The following CNDP1 variants were observed in gnomAD, a reference collection of about 807,000 sequenced individuals.
CNDP1 encodes beta-Ala-His dipeptidase.
CNDP1 carries 44 observed loss-of-function variants against 58.1 expected under a neutral mutation model. The observed-to-expected ratio is 0.76, with a 90% CI of 0.60 to 0.97. The LOEUF (loss-of-function observed/expected upper bound fraction) is 0.97, where lower values mean the gene tolerates loss of function less well. Ranked by LOEUF, CNDP1 falls within the 50% of genes least tolerant of loss-of-function variation. CNDP1 has a pLI of 0.00. For missense variants in CNDP1, 616 were observed against 655.1 expected (o/e 0.94, Z 0.65); for synonymous variants, 254 against 252.6 (o/e 1.01, Z -0.05).
At position 74,567,348 on chromosome 18, in the gene CNDP1, T is replaced by A; in HGVS notation, c.671T>A (p.Ile224Asn). 3 of 1,614,156 alleles carry A rather than the reference T, an allele frequency of 1.9e-6. No homozygotes were observed. Among genetic ancestry groups the A allele is most frequent in the Non-Finnish European group, 2.5e-6 (3 of 1,180,034 alleles). ...KDRFFSGVDY[I>N]VISDNLWISQ... ...CGATTCTTCTCTGGTGTGGACTACA[T>A]TGTAATTTCAGATAACCTGTGGATC... Residue 224 changes from isoleucine to asparagine, a missense_variant, in exon 6 of 12, where the codon ATT (isoleucine) becomes AAT (asparagine). Coordinates refer to ENST00000358821, the MANE Select transcript of CNDP1 (RefSeq NM_032649.6).
chr18:74,556,464 C>A lies in CNDP1; in HGVS notation c.151C>A (p.Gln51Lys), dbSNP rs144205585. ...TGACCTCCATCAGGATGAATTTGTG[C>A]AGGTAGGAGAAAGAAACTACACAAC... Reference protein sequence around the residue: ...YIDLHQDEFVQTLKEWVAIES... With the variant: ...YIDLHQDEFVKTLKEWVAIES... Residue 51 changes from glutamine (Q) to lysine (K), a missense_variant and splice_region_variant, in exon 2 of 12, where the codon CAG (glutamine) becomes AAG (lysine). Coordinates refer to ENST00000358821, the MANE Select transcript of CNDP1 (RefSeq NM_032649.6). 1.2e-6 allele frequency: 2 copies of A among 1,614,100 alleles called. No individual in the cohort carries two copies. The highest frequency in any genetic ancestry group is 1.7e-6 in the Non-Finnish European group (2 of 1,179,962).
intron 1 of CNDP1, among the ~76,000 whole-genome samples, chr18:74,540,609 G>A (rs1980596752): frequency 6.6e-6 from 1 of 152,214 alleles, no homozygotes; most frequent in Non-Finnish European, 1.5e-5. Flanking sequence ...AAGGAGAGCC[G>A]TGTTTAGATG....
Position 74,558,392 on chromosome 18 carries a change from C to CTTTTTTTTT in CNDP1, c.154-919_154-911dup, listed in dbSNP as rs71168498. ...AGTTAGGGAGCATTACTTTCTTTTT[C>CTTTTTTTTT]TTTTTTTTTTTTTTTTTTTTGAGAT... On this transcript the variant is annotated intron_variant, in intron 2 of 11. Transcript: ENST00000358821. Among the ~76,000 whole-genome samples, 34 of 114,310 alleles carry CTTTTTTTTT rather than the reference C, an allele frequency of 3.0e-4. 1 individual carries two copies. The highest frequency in any genetic ancestry group is 5.1e-4 in the East Asian group (2 of 3,948). The allele number at this position is 114,310 out of a possible 152,430, so 75.0% of individuals were successfully genotyped here.
At chr18:74,536,192 A>G (rs1980482772) in intron 1 of CNDP1, among the ~76,000 whole-genome samples, 1 of 152,024 alleles carries the variant, frequency 6.6e-6, no homozygotes, top group Non-Finnish European at 1.5e-5. Flanking sequence ...TTTCTTACAT[A>G]GGTAAATTTG....
chr18:74,567,237 T>C lies in CNDP1; in HGVS notation c.560T>C (p.Leu187Pro), dbSNP rs1173869707. ...VSAFRALEQD[L>P]PVNIKFIIEG... Reference sequence around the variant, plus strand: ...TTTTCTTCTGTTGTTACTTAGGATCTTCCTGTGAATATCAAATTCATCATT... The same window carrying C: ...TTTTCTTCTGTTGTTACTTAGGATCCTCCTGTGAATATCAAATTCATCATT... The change falls in exon 6 of 12, where the codon CTT becomes CCT. Residue 187 changes from leucine to proline, a missense_variant. By Grantham distance (98) the Leu-to-Pro change is moderately conservative. Transcript: ENST00000358821. 6.2e-7 allele frequency: 1 copy of C among 1,613,960 alleles called. No homozygotes were observed. The highest frequency in any genetic ancestry group is 2.2e-5 in the East Asian group (1 of 44,890).
At chr18:74,549,742 A>G (rs1980852185) in intron 1 of CNDP1, among the ~76,000 whole-genome samples, 1 of 152,222 alleles carries the variant, frequency 6.6e-6, no homozygotes, top group East Asian at 1.9e-4. Flanking sequence ...CCTTTGAGGA[A>G]GCCCCTCTCA....
At chr18:74,557,769 A>G (rs1981080869) in intron 2 of CNDP1, among the ~76,000 whole-genome samples, 1 of 152,226 alleles carries the variant, frequency 6.6e-6, no homozygotes, top group Non-Finnish European at 1.5e-5. Flanking sequence ...TATTGGATCA[A>G]TCAACCAATT....
chr18:74,556,200 A>C, intron 1 of CNDP1, 138 bp from the exon 2 acceptor site: 4 of 879,150 alleles, frequency 4.5e-6, no homozygotes, highest in Non-Finnish European at 7.0e-6. Flanking sequence ...GTTTGGTTCT[A>C]CCGCCTTGTG....
rs1310286286 is a variant in CNDP1, at chr18:74,571,226, G to A, written c.797G>A (p.Gly266Asp). 2 of 1,613,594 alleles carry A rather than the reference G, an allele frequency of 1.2e-6. No individual in the cohort carries two copies. Among genetic ancestry groups the A allele is most frequent in the Non-Finnish European group, 1.7e-6 (2 of 1,179,658 alleles). The change falls in exon 7 of 12, where the codon GGT (glycine) becomes GAT (aspartate). Residue 266 changes from glycine (G) to aspartate (D), a missense_variant. By Grantham distance (94) the Gly-to-Asp change is moderately conservative. Transcript: ENST00000358821. ...RDQDFHSGTFGGILHEPMADL... is the reference protein window; with the variant it reads ...RDQDFHSGTFDGILHEPMADL... ...CAGGATTTTCACTCAGGAACCTTTG[G>A]TGGCATCCTTCATGAACCAATGGCT... is the stretch of plus-strand genomic sequence containing the variant.
chr18:74,583,016 A>C (rs1188104624), intron 10 of CNDP1, among the ~76,000 whole-genome samples: 1 of 152,058 alleles, frequency 6.6e-6, no homozygotes, highest in African/African-American at 2.4e-5. Flanking sequence ...GTATTTATTT[A>C]TTTATTTAGA....
intron 6 of CNDP1, 58 bp from the exon 7 acceptor site, chr18:74,571,128 C>A: frequency 8.7e-7 from 1 of 1,155,498 alleles, no homozygotes; most frequent in Non-Finnish European, 1.3e-6. Flanking sequence ...ATGTGAAATG[C>A]TTACACTAAA....
chr18:74,579,999 C>A, intron 9 of CNDP1, 131 bp from the exon 10 acceptor site: 1 of 775,466 alleles, frequency 1.3e-6, no homozygotes, highest in South Asian at 1.8e-5. Flanking sequence ...GTGTGTCAGG[C>A]TGGGGCTTCA....
At chr18:74,577,847 G>C (rs1981671530) in intron 8 of CNDP1, 1 of 233,626 alleles carries the variant, frequency 4.3e-6, no homozygotes. Context: ...CTTTATCTAT[G>C]GCCATACCAC....
chr18:74,547,032 T>C (rs1174264360), intron 1 of CNDP1, among the ~76,000 whole-genome samples: 1 of 152,234 alleles, frequency 6.6e-6, no homozygotes, highest in Non-Finnish European at 1.5e-5. Context: ...ACGCCCTTGC[T>C]GACTCCTCCA....
intron 5 of CNDP1, among the ~76,000 whole-genome samples, chr18:74,563,301 A>G (rs1981248976): frequency 6.6e-6 from 1 of 152,042 alleles, no homozygotes; most frequent in African/African-American, 2.4e-5. Flanking sequence ...CTCGCATCAC[A>G]TACGCCCTGA....
chr18:74,554,862 C>G (rs1048366714), intron 1 of CNDP1, among the ~76,000 whole-genome samples: 2 of 152,162 alleles, frequency 1.3e-5, no homozygotes, highest in African/African-American at 4.8e-5. Context: ...TTAGAGGAAG[C>G]CATGAAAATG....
Position 74,580,219 on chromosome 18 carries a change from T to C in CNDP1, c.1257T>C (p.Ile419=), listed in dbSNP as rs1435741677. The C allele has an allele frequency of 6.2e-7, 1 of 1,614,162 alleles. No homozygotes were observed. Among genetic ancestry groups the C allele is most frequent in the Non-Finnish European group, 8.5e-7 (1 of 1,180,016 alleles). The change falls in exon 10 of 12, where the codon ATT becomes ATC. Residue 419 remains isoleucine, a synonymous_variant. Coordinates refer to ENST00000358821, the MANE Select transcript of CNDP1 (RefSeq NM_032649.6). ...TGACTCTAGGACTACACCCGTGGAT[T>C]GCAAATATTGATGACACCCAGTATC... is the stretch of plus-strand genomic sequence containing the variant. The part of the protein sequence containing the change: ...VSMTLGLHPW[I]ANIDDTQYLA...
In CNDP1 at chr18:74,578,240, A is replaced by T; in HGVS notation, c.1080A>T (p.Gly360=). The T allele has an allele frequency of 6.2e-7, 1 of 1,614,100 alleles. No individual in the cohort carries two copies. The highest frequency in any genetic ancestry group is 8.5e-7 in the Non-Finnish European group (1 of 1,180,008). Residue 360 remains glycine, a synonymous_variant, in exon 9 of 12, where the codon GGA becomes GGT. Transcript: ENST00000358821. ...TCGAGGGCGCGTTTGATGAGCCTGG[A>T]ACTAAAACAGTCATACCTGGCCGAG... ...HGIEGAFDEP[G]TKTVIPGRVI... is the part of the protein sequence containing the mutation.
In CNDP1 at chr18:74,548,444, C is replaced by A. The variant is rs1450357589; in HGVS notation, c.25-7894C>A. ...TGGGTAAAAGCTCCTTGAGGCCTCC[C>A]CAGAAGCTGAGCAGATGCCGGCACC... On this transcript the variant is annotated intron_variant, in intron 1 of 11. Transcript: ENST00000358821. Among the ~76,000 whole-genome samples the A allele has an allele frequency of 4.6e-5, 7 of 152,130 alleles. No homozygotes were observed. In the East Asian group the frequency reaches 1.3e-3, roughly 29 times the overall value.
Sources: allele counts gnomAD v4.1 joint callset (sites outside exome capture counted in the v4.1 genomes callset), GRCh38; gene constraint gnomAD v4.1.1; transcripts MANE v1.5; gene names NCBI Gene and HGNC (gene_info 2026-07-23, HGNC 2026-07-21).